GALNTL6: variants seen among roughly 807,000 people sequenced by gnomAD.
GALNTL6 encodes polypeptide N-acetylgalactosaminyltransferase-like 6.
A neutral mutation model predicts 73.7 loss-of-function variants in GALNTL6; 46 were observed. The ratio of observed to expected loss-of-function variants is 0.62; its 90% CI spans 0.49 to 0.80. The LOEUF is 0.80. Ranked by LOEUF, GALNTL6 falls within the 30% of genes least tolerant of loss-of-function variation. The pLI is 0.00. For synonymous variants in GALNTL6, 259 were observed against 263.7 expected (o/e 0.98, Z 0.17); for missense variants, 604 against 755.0 (o/e 0.80, Z 2.34).
intron 2 of GALNTL6, among the ~76,000 whole-genome samples, chr4:171,941,984 A>G (rs965070257): frequency 6.6e-6 from 1 of 151,150 alleles, no homozygotes; most frequent in Admixed American, 6.6e-5. Context: ...TTTTGTAGCT[A>G]TTAATAGTTT....
At chr4:172,930,755 C>T (rs1005018397) in intron 8 of GALNTL6, among the ~76,000 whole-genome samples, 5 of 152,194 alleles carry the variant, frequency 3.3e-5, no homozygotes, top group Non-Finnish European at 7.3e-5. Context: ...AAACATAGCT[C>T]ACTTCAGCAA....
chr4:172,311,735 A>G lies in GALNTL6; in HGVS notation c.369A>G (p.Pro123=). The change falls in exon 4 of 13, where the codon CCA becomes CCG. Residue 123 remains proline (P), a synonymous_variant. Transcript: ENST00000506823. ...ATATTGCTCTAGAGAGGTCTCTGCCAGATATTCGTCATGCTAAGTGAGTAT... is the reference window on the plus strand; with the variant it reads ...ATATTGCTCTAGAGAGGTCTCTGCCGGATATTCGTCATGCTAAGTGAGTAT... ...SNNIALERSL[P]DIRHANCKHK... 6.3e-7 allele frequency: 1 copy of G among 1,593,442 alleles called. No individual in the cohort carries two copies. Among genetic ancestry groups the G allele is most frequent in the South Asian group, 1.1e-5 (1 of 88,292 alleles).
At chr4:172,026,028 A>G (rs902136808) in intron 2 of GALNTL6, among the ~76,000 whole-genome samples, 1 of 152,080 alleles carries the variant, frequency 6.6e-6, no homozygotes, top group African/African-American at 2.4e-5. Flanking sequence ...TTTAAATAAT[A>G]TTAAAAAGGA....
At chr4:171,956,547 T>C (rs1486885137) in intron 2 of GALNTL6, among the ~76,000 whole-genome samples, 1 of 152,210 alleles carries the variant, frequency 6.6e-6, no homozygotes, top group African/African-American at 2.4e-5. Context: ...TTTGGCTTTT[T>C]AAATTTTCAT....
intron 5 of GALNTL6, among the ~76,000 whole-genome samples, chr4:172,547,461 A>G (rs1029798240): frequency 2.6e-5 from 4 of 152,162 alleles, no homozygotes; most frequent in African/African-American, 7.2e-5. Context: ...GCACACTCCC[A>G]AAGAATATAT....
intron 2 of GALNTL6, among the ~76,000 whole-genome samples, chr4:172,106,539 T>G (rs530570580): frequency 6.6e-6 from 1 of 151,950 alleles, no homozygotes; most frequent in South Asian, 2.1e-4. Context: ...TACTAACATG[T>G]CAAAGGAAAT....
At chr4:172,244,412 G>A (rs1478676185) in intron 3 of GALNTL6, among the ~76,000 whole-genome samples, 1 of 152,012 alleles carries the variant, frequency 6.6e-6, no homozygotes, top group Non-Finnish European at 1.5e-5. Flanking sequence ...TATATTAAAA[G>A]ATATAAATAA....
chr4:172,354,026 T>C (rs2111225888), intron 5 of GALNTL6, among the ~76,000 whole-genome samples: 1 of 152,252 alleles, frequency 6.6e-6, no homozygotes, highest in South Asian at 2.1e-4. Context: ...GATATCAGTG[T>C]GAAAAAGGTT....
chr4:172,520,228 A>C (rs1032933203), intron 5 of GALNTL6, among the ~76,000 whole-genome samples: 2 of 151,908 alleles, frequency 1.3e-5, no homozygotes, highest in Non-Finnish European at 2.9e-5. Flanking sequence ...ACCTGAACAC[A>C]AATCTCCTGA....
intron 2 of GALNTL6, among the ~76,000 whole-genome samples, chr4:171,996,491 C>T (rs1217945510): frequency 1.3e-5 from 2 of 151,904 alleles, no homozygotes; most frequent in Non-Finnish European, 2.9e-5. Flanking sequence ...TTTATAATAG[C>T]TTCTTAGTAG....
intron 2 of GALNTL6, among the ~76,000 whole-genome samples, chr4:171,858,653 T>A (rs906548538): frequency 6.6e-6 from 1 of 152,122 alleles, no homozygotes; most frequent in African/African-American, 2.4e-5. Context: ...CAAATTAAAC[T>A]TTTTACATGT....
At chr4:172,643,848 A>G (rs1162232197) in intron 5 of GALNTL6, among the ~76,000 whole-genome samples, 1 of 151,966 alleles carries the variant, frequency 6.6e-6, no homozygotes, top group Admixed American at 6.6e-5. Flanking sequence ...GTTTATAACT[A>G]CAATAGTAGT....
chr4:172,380,305 T>A (rs781048564), intron 5 of GALNTL6: 206 of 744,584 alleles, frequency 2.8e-4, no homozygotes, highest in Non-Finnish European at 4.4e-4. Context: ...CCATTGGGTA[T>A]TCTTCTGGAA....
chr4:171,919,436 A>G (rs1038895734), intron 2 of GALNTL6, among the ~76,000 whole-genome samples: 4 of 152,038 alleles, frequency 2.6e-5, no homozygotes, highest in Non-Finnish European at 5.9e-5. Flanking sequence ...TACCCTAAGG[A>G]CTTGTTAGAA....
chr4:172,975,970 G>A (rs577678016), intron 10 of GALNTL6, among the ~76,000 whole-genome samples: 1 of 150,536 alleles, frequency 6.6e-6, no homozygotes, highest in South Asian at 2.1e-4. Flanking sequence ...GCTACAACTG[G>A]GTTGCTGCAG....
At chr4:171,925,504 G>A (rs962319732) in intron 2 of GALNTL6, among the ~76,000 whole-genome samples, 1 of 152,070 alleles carries the variant, frequency 6.6e-6, no homozygotes, top group Non-Finnish European at 1.5e-5. Context: ...GAAAAAACTA[G>A]GTGTCTAAGA....
intron 5 of GALNTL6, among the ~76,000 whole-genome samples, chr4:172,788,646 T>G (rs1739812709): frequency 7.6e-6 from 1 of 130,868 alleles, no homozygotes. Flanking sequence ...CACTCCAGCC[T>G]GAGGGACAGG....
At chr4:172,327,445 T>C (rs1282227506) in intron 4 of GALNTL6, among the ~76,000 whole-genome samples, 1 of 152,158 alleles carries the variant, frequency 6.6e-6, no homozygotes, top group Non-Finnish European at 1.5e-5. Context: ...AGGTCCTGAA[T>C]ATCATTGTTA....
chr4:171,852,508 TTAGCTTTCTTTATATATATATATA>T (rs1308168657), intron 2 of GALNTL6, among the ~76,000 whole-genome samples: 1 of 121,432 alleles, frequency 8.2e-6, no homozygotes, highest in Non-Finnish European at 1.8e-5. Flanking sequence ...TGTCTAAATA[TTAGCTTTCTTTATATATATATATA>T]TAGCTTTCTT....
Sources: allele counts gnomAD v4.1 joint callset (sites outside exome capture counted in the v4.1 genomes callset), GRCh38; gene constraint gnomAD v4.1.1; transcripts MANE v1.5; gene names NCBI Gene and HGNC (gene_info 2026-07-23, HGNC 2026-07-21).